NUDT7: variants seen among roughly 807,000 people sequenced by gnomAD.
The protein encoded by NUDT7 is peroxisomal coenzyme A diphosphatase NUDT7.
NUDT7 carries 19 observed loss-of-function variants against 13.1 expected under a neutral mutation model. That is an observed-to-expected ratio of 1.45 (90% CI 1.01 to 2.13). The LOEUF is 2.13. Among genes scored for constraint, NUDT7 ranks in the 30% most tolerant of loss-of-function variants. The pLI is 0.00. For synonymous variants in NUDT7, 132 were observed against 109.7 expected, an observed-to-expected ratio of 1.20 and a Z score of -1.27; for missense variants, 360 against 291.7, an observed-to-expected ratio of 1.23 and a Z score of -1.71.
chr16:77,741,722 C>G lies in NUDT7; in HGVS notation c.489C>G (p.Val163=), dbSNP rs746027438. 18 of 1,613,982 alleles carry G rather than the reference C, an allele frequency of 1.1e-5. No individual in the cohort carries two copies. The highest frequency in any genetic ancestry group is 1.7e-5 in the Admixed American group (1 of 59,990). ...LHPQVHDQHY[V]TRLGHRFINH... is the part of the protein sequence containing the mutation. ...CACAGGTCCATGACCAGCATTACGT[C>G]ACACGTCTTGGTCACCGTTTTATTA... The change falls in exon 4 of 4, where the codon GTC becomes GTG. Residue 163 remains valine, a synonymous_variant. Transcript: ENST00000268533.
At chr16:77,741,309 T>C (rs1217282759) in intron 3 of NUDT7, among the ~76,000 whole-genome samples, 1 of 152,220 alleles carries the variant, frequency 6.6e-6, no homozygotes, top group Non-Finnish European at 1.5e-5. Flanking sequence ...CGAACACATT[T>C]TTATGATACT....
chr16:77,733,395 C>T (rs191007218), intron 2 of NUDT7, among the ~76,000 whole-genome samples: 6 of 152,206 alleles, frequency 3.9e-5, no homozygotes, highest in Non-Finnish European at 8.8e-5. Context: ...GAGTCTGTCT[C>T]TGGTCTCTTT....
At chr16:77,733,412 G>A (rs2014379177) in intron 2 of NUDT7, among the ~76,000 whole-genome samples, 1 of 152,152 alleles carries the variant, frequency 6.6e-6, no homozygotes, top group Non-Finnish European at 1.5e-5. Context: ...CTTTTATAAG[G>A]GCATTCATCT....
intron 3 of NUDT7, among the ~76,000 whole-genome samples, chr16:77,740,322 T>A (rs1417032950): frequency 6.6e-6 from 1 of 152,112 alleles, no homozygotes; most frequent in Non-Finnish European, 1.5e-5. Flanking sequence ...GCCGGATAGG[T>A]CCCAGCCTCA....
Position 77,742,147 on chromosome 16 carries a change from T to C in NUDT7, c.*197T>C. The C allele has an allele frequency of 7.8e-7, 1 of 1,280,288 alleles. No homozygotes were observed. The highest frequency in any genetic ancestry group is 1.0e-6 in the Non-Finnish European group (1 of 1,002,698). 79.3% of individuals were successfully genotyped at this position (1,280,288 alleles called of 1,614,324 possible). ...AAGCCATTCAAAAATGAAAACTATG[T>C]TCATAGTGTTGCATATTTTCACCCA... On this transcript the variant is annotated 3_prime_UTR_variant, in exon 4 of 4. Coordinates refer to ENST00000268533, the MANE Select transcript of NUDT7 (RefSeq NM_001105663.3).
At chr16:77,735,224 T>C (rs532574795) in intron 2 of NUDT7, among the ~76,000 whole-genome samples, 35 of 152,130 alleles carry the variant, frequency 2.3e-4, no homozygotes, top group Non-Finnish European at 3.7e-4. Context: ...AAATCTCATG[T>C]TCAGTCGTAA....
At chr16:77,739,888 C>T (rs1240582119) in intron 3 of NUDT7, among the ~76,000 whole-genome samples, 1 of 152,172 alleles carries the variant, frequency 6.6e-6, no homozygotes, top group Non-Finnish European at 1.5e-5. Flanking sequence ...CCCTTGTCTC[C>T]ATGTGGGACA....
chr16:77,737,528 C>T (rs925238837), intron 3 of NUDT7: 11 of 151,932 alleles, frequency 7.2e-5, no homozygotes, highest in African/African-American at 1.9e-4. Flanking sequence ...CTCTGTCGCC[C>T]GGGCTGGAGT....
rs769109681 is a variant in NUDT7 at position 77,741,675 on chromosome 16, C to A, written c.442C>A (p.Pro148Thr). 2 of 1,614,140 alleles carry A rather than the reference C, an allele frequency of 1.2e-6. No homozygotes were observed. The highest frequency in any genetic ancestry group is 1.3e-5 in the African/African-American group (1 of 75,036). The stretch of plus-strand genomic sequence containing the variant: ...TGAAGTTAAGGATGTATTCCTGGTG[C>A]CTCTGGCCTATTTCCTGCATCCACA... ...PAEVKDVFLV[P>T]LAYFLHPQVH... is the part of the protein sequence containing the mutation. Residue 148 changes from proline to threonine, a missense_variant, in exon 4 of 4, where the codon CCT (proline) becomes ACT (threonine). Transcript: ENST00000268533.
At chr16:77,741,263 T>G (rs993387560) in intron 3 of NUDT7, among the ~76,000 whole-genome samples, 4 of 152,208 alleles carry the variant, frequency 2.6e-5, no homozygotes, top group Non-Finnish European at 5.9e-5. Flanking sequence ...TAGGAATTTA[T>G]CATACAGATA....
intron 2 of NUDT7, among the ~76,000 whole-genome samples, chr16:77,728,294 G>A (rs777767545): frequency 8.5e-5 from 13 of 152,086 alleles, no homozygotes; most frequent in African/African-American, 2.9e-4. Flanking sequence ...GTGCAGTGGC[G>A]TGATCTCAGC....
rs765777622 is a variant in NUDT7 at position 77,741,755 on chromosome 16, C to T, written c.522C>T (p.Ile174=). ...TTGGTCACCGTTTTATTAATCATAT[C>T]TTTGAGTACACAAACCCTGAAGACG... ...TRLGHRFINH[I]FEYTNPEDGV... is the part of the protein sequence containing the mutation. The change falls in exon 4 of 4, where the codon ATC becomes ATT. Residue 174 remains isoleucine, a synonymous_variant. Transcript: ENST00000268533. 7 of 1,613,998 alleles carry T rather than the reference C, an allele frequency of 4.3e-6. No homozygotes were observed. The highest frequency in any genetic ancestry group is 1.6e-4 in the Middle Eastern group (1 of 6,084).
intron 1 of NUDT7, among the ~76,000 whole-genome samples, chr16:77,725,183 A>G (rs1235549240): frequency 6.6e-6 from 1 of 152,206 alleles, no homozygotes; most frequent in Non-Finnish European, 1.5e-5. Context: ...ACATTTTACC[A>G]TACTTTATGT....
chr16:77,733,450 C>T (rs1356070974), intron 2 of NUDT7, among the ~76,000 whole-genome samples: 1 of 152,202 alleles, frequency 6.6e-6, no homozygotes, highest in East Asian at 1.9e-4. Flanking sequence ...CCCCCATGAC[C>T]TAAACACCTC....
At chr16:77,723,511 G>A (rs897917836) in intron 1 of NUDT7, among the ~76,000 whole-genome samples, 4 of 151,740 alleles carry the variant, frequency 2.6e-5, no homozygotes, top group African/African-American at 9.7e-5. Flanking sequence ...CACAGTATAT[G>A]AACTGCATCA....
At position 77,735,915 on chromosome 16, in the gene NUDT7, G is replaced by T; in HGVS notation, c.277G>T (p.Ala93Ser). The T allele has an allele frequency of 6.2e-7, 1 of 1,613,814 alleles. No homozygotes were observed. The highest frequency in any genetic ancestry group is 8.5e-7 in the Non-Finnish European group (1 of 1,179,744). Residue 93 changes from alanine to serine, a missense_variant, in exon 3 of 4, where the codon GCC (alanine) becomes TCC (serine). Transcript: ENST00000268533. ...TGATGCAGCCACAGCTCTCCGGGAAGCCCAGGAGGAAGTGGGTCTCCGTCC... is the reference window on the plus strand; with the variant it reads ...TGATGCAGCCACAGCTCTCCGGGAATCCCAGGAGGAAGTGGGTCTCCGTCC... ...MDDAATALRE[A>S]QEEVGLRPHQ...
At chr16:77,725,662 C>A (rs753988467) in intron 2 of NUDT7, 78 bp downstream of exon 2, 4 of 1,349,464 alleles carry the variant, frequency 3.0e-6, no homozygotes, top group Non-Finnish European at 3.1e-6. Context: ...CTTGCACACA[C>A]TTTGATGCCA....
chr16:77,741,243 T>C (rs1157520717), intron 3 of NUDT7, among the ~76,000 whole-genome samples: 1 of 152,214 alleles, frequency 6.6e-6, no homozygotes, highest in Non-Finnish European at 1.5e-5. Flanking sequence ...CTTGTGTCTT[T>C]TCTTACTGGT....
rs1216027315 is a variant in NUDT7 at position 77,735,894 on chromosome 16, G to A, written c.256G>A (p.Ala86Thr). ...GKRDPTDMDDAATALREAQEE... is the reference protein window; with the variant it reads ...GKRDPTDMDDTATALREAQEE... The stretch of plus-strand genomic sequence containing the variant: ...GCGTGACCCTACAGACATGGATGAT[G>A]CAGCCACAGCTCTCCGGGAAGCCCA... The change falls in exon 3 of 4, where the codon GCA (alanine) becomes ACA (threonine). Residue 86 changes from alanine to threonine, a missense_variant. Transcript: ENST00000268533. The A allele has an allele frequency of 6.2e-7, 1 of 1,613,912 alleles. No individual in the cohort carries two copies. The highest frequency in any genetic ancestry group is 1.3e-5 in the African/African-American group (1 of 74,914).
Sources: gnomAD v4.1 joint callset for allele counts (sites outside exome capture counted in the v4.1 genomes callset) on GRCh38, gnomAD v4.1.1 for gene constraint, MANE v1.5 for transcripts, NCBI Gene and HGNC (gene_info 2026-07-23, HGNC 2026-07-21) for gene names.